ACADL: variants seen among roughly 807,000 people sequenced by gnomAD.
ACADL encodes the protein long-chain specific acyl-CoA dehydrogenase, mitochondrial.
Under a neutral mutation model 56.9 loss-of-function variants are expected in ACADL, and 60 were observed. The observed-to-expected ratio is 1.05, with a 90% CI of 0.86 to 1.31. The LOEUF (loss-of-function observed/expected upper bound fraction) is 1.31. Among genes scored for constraint, ACADL ranks in the 50% most tolerant of loss-of-function variants. The probability of loss-of-function intolerance (pLI) is 0.00; values close to 1 mark genes in which losing one functional copy is unlikely to be tolerated. For missense variants in ACADL, 484 were observed against 525.5 expected (o/e 0.92, Z 0.77); for synonymous variants, 158 against 179.7 (o/e 0.88, Z 0.97).
intron 8 of ACADL, among the ~76,000 whole-genome samples, chr2:210,198,152 A>C (rs1688739112): frequency 6.6e-6 from 1 of 152,180 alleles, no homozygotes; most frequent in Non-Finnish European, 1.5e-5. Flanking sequence ...GCTAGCATTA[A>C]AAATTATTCT....
At position 210,192,889 on chromosome 2, in the gene ACADL, C is replaced by A. The variant is rs561094679; in HGVS notation, c.1114G>T (p.Ala372Ser). Residue 372 changes from alanine (A) to serine (S), a missense_variant and splice_region_variant, in exon 10 of 11, where the codon GCA (alanine) becomes TCA (serine). Coordinates refer to ENST00000233710, the MANE Select transcript of ACADL (RefSeq NM_001608.4). ...SATACMAKYWASELQNSVAYD... is the reference protein window; with the variant it reads ...SATACMAKYWSSELQNSVAYD... ...GCTACACTATTTTGTAACTCAGATG[C>A]CCTAAATGACCAAAATAAAAGGCAG... 6.2e-7 allele frequency: 1 copy of A among 1,612,134 alleles called. No individual in the cohort carries two copies. The highest frequency in any genetic ancestry group is 8.5e-7 in the Non-Finnish European group (1 of 1,178,548).
At chr2:210,224,986 C>G in intron 1 of ACADL, 1 of 1,398,748 alleles carries the variant, frequency 7.1e-7, no homozygotes, top group Non-Finnish European at 9.2e-7. Context: ...GGCTGACACC[C>G]CTTTTTCCTC....
At chr2:210,218,673 T>C (rs1346865402) in intron 2 of ACADL, 3 of 154,422 alleles carry the variant, frequency 1.9e-5, no homozygotes, top group East Asian at 3.8e-4. Context: ...TATTCATTGA[T>C]GTAGTTTTGC....
chr2:210,225,386 A>C lies in ACADL; in HGVS notation c.-123T>G. 4 of 1,130,184 alleles carry C rather than the reference A, an allele frequency of 3.5e-6. No homozygotes were observed. Among genetic ancestry groups the C allele is most frequent in the Non-Finnish European group, 4.9e-6 (4 of 818,136 alleles). The allele number at this position is 1,130,184 out of a possible 1,614,324, so 70.0% of individuals were successfully genotyped here. On this transcript the variant is annotated 5_prime_UTR_variant, in exon 1 of 11. Transcript: ENST00000233710. ...GTCCACCTGTGGTGTCCTCCCAAAAAAGCGCTCGCGCGCGCCCTTCCGGAG... is the reference window on the plus strand; with the variant it reads ...GTCCACCTGTGGTGTCCTCCCAAAACAGCGCTCGCGCGCGCCCTTCCGGAG...
In ACADL at chr2:210,216,463, A is replaced by C; in HGVS notation, c.420T>G (p.Ile140Met). ...CATGGTTTGTAATATAGGACATGAC[A>C]ATACCTGAATGAATACTAAAACCTG... Reference protein sequence around the residue: ...SGPGFSIHSGIVMSYITNHGS... With the variant: ...SGPGFSIHSGMVMSYITNHGS... Residue 140 changes from isoleucine to methionine, a missense_variant, in exon 4 of 11, where the codon ATT becomes ATG. Transcript: ENST00000233710. The C allele has an allele frequency of 1.2e-6, 2 of 1,613,858 alleles. No homozygotes were observed. The highest frequency in any genetic ancestry group is 1.7e-6 in the Non-Finnish European group (2 of 1,179,804).
rs1055992589 is a variant in ACADL, at chr2:210,188,843, T to C, written c.*118A>G. ...TATATTTATATTTTATTTCCTTCTC[T>C]ATAGAGAGAGCAGGTAAAAACATGT... On this transcript the variant is annotated 3_prime_UTR_variant, in exon 11 of 11. Coordinates refer to ENST00000233710, the MANE Select transcript of ACADL (RefSeq NM_001608.4). 1.3e-6 allele frequency: 1 copy of C among 762,798 alleles called. No individual in the cohort carries two copies. The highest frequency in any genetic ancestry group is 1.7e-5 in the African/African-American group (1 of 57,802). 47.3% of individuals were successfully genotyped at this position (762,798 alleles called of 1,614,324 possible).
chr2:210,195,392 T>G (rs1319217662), intron 8 of ACADL, 54 bp from the exon 9 acceptor site: 24 of 1,539,138 alleles, frequency 1.6e-5, no homozygotes, highest in Non-Finnish European at 2.1e-5. Flanking sequence ...AATATAAACT[T>G]CAACCCACTT....
chr2:210,195,068 A>AT (rs35516848), intron 9 of ACADL, 143 bp downstream of exon 9: 81,179 of 1,066,658 alleles, frequency 0.076, 2,600 homozygotes, highest in Middle Eastern at 0.1. Flanking sequence ...ACTTTTTAGC[A>AT]TTTTTTTTTA....
intron 1 of ACADL, among the ~76,000 whole-genome samples, chr2:210,223,673 T>C (rs1425374206): frequency 6.6e-6 from 1 of 152,238 alleles, no homozygotes; most frequent in Non-Finnish European, 1.5e-5. Flanking sequence ...GAAGCAGATA[T>C]AGTTATCTGG....
rs1689256955 is a variant in ACADL at position 210,225,394 on chromosome 2, G to T, written c.-131C>A. The T allele has an allele frequency of 1.9e-6, 2 of 1,043,174 alleles. No homozygotes were observed. The highest frequency in any genetic ancestry group is 1.6e-5 in the South Asian group (1 of 61,106). The allele number at this position is 1,043,174 out of a possible 1,614,324, so 64.6% of individuals were successfully genotyped here. A position where few individuals can be genotyped will look rare whatever the true frequency, so the allele number is the denominator to read the frequency against. ...GTGGTGTCCTCCCAAAAAAGCGCTCGCGCGCGCCCTTCCGGAGCCCCAACC... is the reference window on the plus strand; with the variant it reads ...GTGGTGTCCTCCCAAAAAAGCGCTCTCGCGCGCCCTTCCGGAGCCCCAACC... On this transcript the variant is annotated 5_prime_UTR_variant, in exon 1 of 11. Transcript: ENST00000233710.
intron 4 of ACADL, among the ~76,000 whole-genome samples, chr2:210,210,471 A>T (rs1289689800): frequency 6.6e-6 from 1 of 152,214 alleles, no homozygotes; most frequent in Admixed American, 6.5e-5. Context: ...TATGATTAAG[A>T]TTTATTATAT....
rs138517635 is a variant in ACADL at position 210,208,387 on chromosome 2, G to A, written c.603+1809C>T. ...CATTTCTACAACAGTGCGACCTAAA[G>A]TGAGTTTAAACACCATGGTGGATCC... On this transcript the variant is annotated intron_variant, in intron 5 of 10. Coordinates refer to ENST00000233710, the MANE Select transcript of ACADL (RefSeq NM_001608.4). 3.6e-4 allele frequency among the ~76,000 whole-genome samples: 55 copies of A among 152,302 alleles called. No individual in the cohort carries two copies. The East Asian group carries it at 9.3e-3, about 26-fold the overall frequency.
intron 2 of ACADL, among the ~76,000 whole-genome samples, chr2:210,219,269 CCAGAG>C (rs1689138186): frequency 1.3e-5 from 2 of 152,162 alleles, no homozygotes. Flanking sequence ...AGAGATCCTA[CCAGAG>C]CAAAGTGTAC....
intron 4 of ACADL, among the ~76,000 whole-genome samples, chr2:210,210,958 T>C (rs1395071318): frequency 6.6e-6 from 1 of 151,494 alleles, no homozygotes; most frequent in Non-Finnish European, 1.5e-5. Flanking sequence ...AAAAAAAGAG[T>C]ATGTCTCAAA....
At position 210,192,785 on chromosome 2, in the gene ACADL, A is replaced by G; in HGVS notation, c.1199+19T>C. On this transcript the variant is annotated intron_variant, in intron 10 of 10. Transcript: ENST00000233710. Reference sequence around the variant, plus strand: ...TTCTTCACATCATAAAGAAGAGTGTATCAGAAAACTATACTTACTTTGCAA... The same window carrying G: ...TTCTTCACATCATAAAGAAGAGTGTGTCAGAAAACTATACTTACTTTGCAA... 6.3e-7 allele frequency: 1 copy of G among 1,577,422 alleles called. No homozygotes were observed. The highest frequency in any genetic ancestry group is 1.1e-5 in the South Asian group (1 of 90,328).
At chr2:210,203,502 C>T (rs895155317) in intron 7 of ACADL, 58 bp from the exon 8 acceptor site, 3 of 1,026,228 alleles carry the variant, frequency 2.9e-6, no homozygotes, top group Non-Finnish European at 4.5e-6. Context: ...GATTTTCACA[C>T]AATTTCAATT....
Position 210,188,631 on chromosome 2 carries a change from A to G in ACADL, c.*330T>C, listed in dbSNP as rs1028890345. The G allele has an allele frequency of 1.6e-4, 39 of 243,086 alleles. No homozygotes were observed. The highest frequency in any genetic ancestry group is 7.1e-4 in the African/African-American group (31 of 43,486). The allele number at this position is 243,086 out of a possible 1,614,324, so 15.1% of individuals were successfully genotyped here. On this transcript the variant is annotated 3_prime_UTR_variant, in exon 11 of 11. Transcript: ENST00000233710. Reference sequence around the variant, plus strand: ...TGTTTTTATACTATAGCGACATAAAATTATTTCTGCCTTGGTTTGAAGATT... The same window carrying G: ...TGTTTTTATACTATAGCGACATAAAGTTATTTCTGCCTTGGTTTGAAGATT...
At chr2:210,210,025 A>G in intron 5 of ACADL, 171 bp downstream of exon 5, 1 of 595,048 alleles carries the variant, frequency 1.7e-6, no homozygotes, top group Non-Finnish European at 3.0e-6. Flanking sequence ...AGAAGCTACC[A>G]CAGATCTTAA....
rs549315531 is a variant in ACADL, at chr2:210,203,385, GGT to G, written c.928_929del (p.Thr310GlnfsTer5). On this transcript the variant is annotated frameshift_variant, in exon 8 of 11. Coordinates refer to ENST00000233710, the MANE Select transcript of ACADL (RefSeq NM_001608.4). LOFTEE classifies it high-confidence loss of function. ...CTTTTCTTTGTTTAACATAGTTCCT[GGT>G]TTCTTCAAACATGAATTCACTAGCT... ...ISASEFMFEE[T>X]RNYVKQRKAF... is the part of the protein sequence containing the mutation. The G allele has an allele frequency of 6.8e-3, 10,929 of 1,611,572 alleles. 52 individuals are homozygous for G. The highest frequency in any genetic ancestry group is 7.8e-3 in the Non-Finnish European group (9,204 of 1,178,038).
Sources: allele counts gnomAD v4.1 joint callset (sites outside exome capture counted in the v4.1 genomes callset), GRCh38; gene constraint gnomAD v4.1.1; transcripts MANE v1.5; gene names NCBI Gene and HGNC (gene_info 2026-07-23, HGNC 2026-07-21).